The following ARID3A variants were observed in gnomAD, a reference collection of about 807,000 sequenced individuals.
The protein encoded by ARID3A is AT-rich interactive domain-containing protein 3A.
A neutral mutation model predicts 52.7 loss-of-function variants in ARID3A; 11 were observed. The ratio of observed to expected loss-of-function variants is 0.21; its 90% CI spans 0.13 to 0.35. ARID3A has a LOEUF of 0.35. ARID3A is among the 10% of genes least tolerant of loss of function. The pLI, the probability that ARID3A is intolerant of heterozygous loss-of-function variation, is 1.00. For missense variants in ARID3A, 721 were observed against 838.5 expected (o/e 0.86, Z 1.73); for synonymous variants, 404 against 359.4 (o/e 1.12, Z -1.40).
Position 973,087 on chromosome 19 carries a change from G to C in ARID3A, c.*1022G>C, listed in dbSNP as rs1249273291. 2.5e-5 allele frequency: 2 copies of C among 80,206 alleles called. No individual in the cohort carries two copies. Among genetic ancestry groups the C allele is most frequent in the Admixed American group, 1.3e-4 (1 of 7,410 alleles). 5.0% of individuals were successfully genotyped at this position (80,206 alleles called of 1,614,324 possible). On this transcript the variant is annotated 3_prime_UTR_variant, in exon 9 of 9. Transcript: ENST00000263620. ...TGCCGTGCTTGTCTGCTGGGCTCTC[G>C]AGTCAGGGGCCTGGAAATTTTTTTT...
In ARID3A at chr19:941,218, G is replaced by A. The variant is rs1484411431; in HGVS notation, c.693+8476G>A. ...CCGCGTGGTGCCTGGGCGGGGGAAT[G>A]GGCGTGGTGAGCCGCCGTGGCGTGC... On this transcript the variant is annotated intron_variant, in intron 3 of 8. Transcript: ENST00000263620. This position sits in a 1 kb window ranked among gnomAD's most constrained non-coding sequence, Gnocchi z 6.9. Among the ~76,000 whole-genome samples the A allele has an allele frequency of 1.3e-5, 2 of 152,272 alleles. No homozygotes were observed. Among genetic ancestry groups the A allele is most frequent in the Admixed American group, 1.3e-4 (2 of 15,292 alleles).
chr19:940,874 A>G (rs534592911), intron 3 of ARID3A, among the ~76,000 whole-genome samples: 2 of 152,016 alleles, frequency 1.3e-5, no homozygotes, highest in East Asian at 3.9e-4. Flanking sequence ...CATCAAAGCC[A>G]CTGTGGCTGC....
intron 3 of ARID3A, among the ~76,000 whole-genome samples, chr19:943,530 T>C (rs965070682): frequency 1.3e-5 from 2 of 151,092 alleles, no homozygotes; most frequent in Non-Finnish European, 2.9e-5. Flanking sequence ...ATCGCACCAC[T>C]ACACTCCAGC....
intron 3 of ARID3A, among the ~76,000 whole-genome samples, 188 bp downstream of exon 3, chr19:932,930 C>T (rs998659507): frequency 1.3e-5 from 2 of 152,138 alleles, no homozygotes; most frequent in African/African-American, 4.8e-5. Context: ...CTGTTCATTG[C>T]TCTGATGTGG....
intron 3 of ARID3A, among the ~76,000 whole-genome samples, chr19:937,863 C>G (rs561033316): frequency 6.6e-6 from 1 of 151,880 alleles, no homozygotes; most frequent in South Asian, 2.1e-4. Context: ...CCTGCCACCA[C>G]GCCCAGCTAA....
chr19:968,094 C>T (rs2145466526), intron 7 of ARID3A, among the ~76,000 whole-genome samples: 1 of 149,076 alleles, frequency 6.7e-6, no homozygotes, highest in Admixed American at 6.7e-5. Flanking sequence ...GGCACAGTGG[C>T]TCATGCCTAT....
At chr19:958,859 C>T (rs1450157680) in intron 3 of ARID3A, among the ~76,000 whole-genome samples, 1 of 152,138 alleles carries the variant, frequency 6.6e-6, no homozygotes, top group Admixed American at 6.5e-5. Context: ...CACCCCTGCA[C>T]TCCAGCCTGG....
chr19:940,675 C>G (rs2037530661), intron 3 of ARID3A, among the ~76,000 whole-genome samples: 1 of 152,148 alleles, frequency 6.6e-6, no homozygotes, highest in African/African-American at 2.4e-5. Flanking sequence ...TCCGAGCACA[C>G]AGAGGCAGCG....
rs2037969274 is a variant in ARID3A, at chr19:958,461, AAAG to A, written c.694-1626_694-1624del. ...AAAAAAAAAAGAAGAAAGAAAAAGA[AAAG>A]AAGAGGACAGGTTCAAGCACTGGAT... On this transcript the variant is annotated intron_variant, in intron 3 of 8. Transcript: ENST00000263620. Among the ~76,000 whole-genome samples, 10 of 151,978 alleles carry A rather than the reference AAAG, an allele frequency of 6.6e-5. No individual in the cohort carries two copies. In the South Asian group the frequency reaches 1.7e-3, roughly 25 times the overall value.
Position 932,713 on chromosome 19 carries a change from G to A in ARID3A, c.664G>A (p.Asp222Asn), listed in dbSNP as rs1036013642. ...APQLQPPDHGDWTYEEQFKQL... is the reference protein window; with the variant it reads ...APQLQPPDHGNWTYEEQFKQL... The stretch of plus-strand genomic sequence containing the variant: ...GCAGCTGCAGCCGCCTGACCACGGC[G>A]ACTGGACTTACGAGGAGCAGTTTAA... The change falls in exon 3 of 9, where the codon GAC (aspartate) becomes AAC (asparagine). Residue 222 changes from aspartate to asparagine, a missense_variant. By Grantham distance (23) the Asp-to-Asn change is conservative (BLOSUM62 1). Coordinates refer to ENST00000263620, the MANE Select transcript of ARID3A (RefSeq NM_005224.3). 2.6e-6 allele frequency: 4 copies of A among 1,547,176 alleles called. No homozygotes were observed. The highest frequency in any genetic ancestry group is 2.4e-5 in the East Asian group (1 of 40,886).
At chr19:955,446 C>A in intron 3 of ARID3A, among the ~76,000 whole-genome samples, 1 of 152,228 alleles carries the variant, frequency 6.6e-6, no homozygotes, top group East Asian at 1.9e-4. Context: ...AGGGGTCTGA[C>A]CGTGCCTCGC....
chr19:950,021 C>T (rs1354466860), intron 3 of ARID3A, among the ~76,000 whole-genome samples: 4 of 151,428 alleles, frequency 2.6e-5, no homozygotes, highest in Non-Finnish European at 2.9e-5. Flanking sequence ...GCAAAGAGGC[C>T]GTCCCCAGAG....
rs990925021 is a variant in ARID3A, at chr19:972,982, G to T, written c.*917G>T. The stretch of plus-strand genomic sequence containing the variant: ...GTGCTATGGGCCGGGCTGGGGCAGA[G>T]GGTGCATGCTGGGGTCCCACCGGCC... On this transcript the variant is annotated 3_prime_UTR_variant, in exon 9 of 9. Coordinates refer to ENST00000263620, the MANE Select transcript of ARID3A (RefSeq NM_005224.3). The T allele has an allele frequency of 1.9e-5, 4 of 209,036 alleles. No individual in the cohort carries two copies. The highest frequency in any genetic ancestry group is 3.9e-5 in the Non-Finnish European group (4 of 102,684). The allele number at this position is 209,036 out of a possible 1,614,324, so 12.9% of individuals were successfully genotyped here. A position where few individuals can be genotyped will look rare whatever the true frequency, so the allele number is the denominator to read the frequency against.
At chr19:952,512 G>A (rs890883225) in intron 3 of ARID3A, among the ~76,000 whole-genome samples, 6 of 149,916 alleles carry the variant, frequency 4.0e-5, no homozygotes, top group African/African-American at 9.9e-5. Context: ...GCCAAGTCTC[G>A]GGCCAACCCT....
chr19:969,657 C>T (rs1052435107), intron 8 of ARID3A, among the ~76,000 whole-genome samples: 2 of 127,878 alleles, frequency 1.6e-5, no homozygotes, highest in Non-Finnish European at 3.2e-5. Flanking sequence ...ACTTTTATAT[C>T]TATATCTACA....
Position 973,539 on chromosome 19 carries a change from C to G in ARID3A, c.*1474C>G. 1 of 223,600 alleles carries G rather than the reference C, an allele frequency of 4.5e-6. No individual in the cohort carries two copies. The highest frequency in any genetic ancestry group is 5.7e-5 in the Admixed American group (1 of 17,454). 13.9% of individuals were successfully genotyped at this position (223,600 alleles called of 1,614,324 possible). ...AATGTGGCGTCTCATTGGGATTCTT[C>G]TCTTGCCCGAAAGGGCTGCTTTTGA... On this transcript the variant is annotated 3_prime_UTR_variant, in exon 9 of 9. Coordinates refer to ENST00000263620, the MANE Select transcript of ARID3A (RefSeq NM_005224.3).
rs2038308421 is a variant in ARID3A, at chr19:972,821, A to AAAAAAAAAAAAAAAAAAC, written c.*766_*767insAAAAAAACAAAAAAAAAA. Reference sequence around the variant, plus strand: ...AAAAGCAAAAAAAAAAAAAAAAAAAAAAAAAAAAAACTCACCTTTTTATTT... The same window carrying AAAAAAAAAAAAAAAAAAC: ...AAAAGCAAAAAAAAAAAAAAAAAAAAAAAAAAAAAAAAAAAAACAAAAAAAAAACTCACCTTTTTATTT... On this transcript the variant is annotated 3_prime_UTR_variant, in exon 9 of 9. Coordinates refer to ENST00000263620, the MANE Select transcript of ARID3A (RefSeq NM_005224.3). 1 of 171,188 alleles carries AAAAAAAAAAAAAAAAAAC rather than the reference A, an allele frequency of 5.8e-6. No homozygotes were observed. The allele number at this position is 171,188 out of a possible 1,614,324, so 10.6% of individuals were successfully genotyped here. A position where few individuals can be genotyped will look rare whatever the true frequency, so the allele number is the denominator to read the frequency against.
intron 3 of ARID3A, among the ~76,000 whole-genome samples, chr19:955,637 C>T (rs963919309): frequency 6.6e-6 from 1 of 152,166 alleles, no homozygotes; most frequent in African/African-American, 2.4e-5. Context: ...TTTTCTCACA[C>T]ACTCTATTTG....
At chr19:965,850 G>T (rs1437029825) in intron 6 of ARID3A, among the ~76,000 whole-genome samples, 2 of 151,822 alleles carry the variant, frequency 1.3e-5, no homozygotes, top group Admixed American at 1.3e-4. Flanking sequence ...AAATTAGCCG[G>T]GTGTGGTGGC....
Sources: allele counts gnomAD v4.1 joint callset (sites outside exome capture counted in the v4.1 genomes callset), GRCh38; gene constraint gnomAD v4.1.1; non-coding constraint Gnocchi (gnomAD v3.1); transcripts MANE v1.5; gene names NCBI Gene and HGNC (gene_info 2026-07-23, HGNC 2026-07-21).